Variants in CLDN16 observed in about 807,000 individuals in gnomAD.
CLDN16 encodes the protein claudin-16.
A neutral mutation model predicts 24.6 loss-of-function variants in CLDN16; 13 were observed. The observed-to-expected ratio is 0.53, with a 90% CI of 0.34 to 0.84. The LOEUF (loss-of-function observed/expected upper bound fraction) is 0.84. CLDN16 is among the 40% of genes least tolerant of loss of function. The probability of loss-of-function intolerance (pLI) is 0.01; values close to 1 mark genes in which losing one functional copy is unlikely to be tolerated. For synonymous variants in CLDN16, 116 were observed against 106.7 expected (o/e 1.09, Z -0.54); for missense variants, 298 against 292.7 (o/e 1.02, Z -0.13).
At chr3:190,330,878 T>C (rs1165494829) in intron 1 of CLDN16, among the ~76,000 whole-genome samples, 1 of 152,112 alleles carries the variant, frequency 6.6e-6, no homozygotes, top group Admixed American at 6.5e-5. Flanking sequence ...AAAACTAAAG[T>C]CTTAAAATAA....
At chr3:190,348,540 G>A (rs1027558403) in intron 1 of CLDN16, among the ~76,000 whole-genome samples, 2 of 152,048 alleles carry the variant, frequency 1.3e-5, no homozygotes, top group Non-Finnish European at 2.9e-5. Flanking sequence ...GGATAAATGT[G>A]GTCAGACCAG....
chr3:190,406,983 G>A (rs1465657324), intron 3 of CLDN16, among the ~76,000 whole-genome samples: 3 of 151,880 alleles, frequency 2.0e-5, no homozygotes, highest in Admixed American at 6.6e-5. Flanking sequence ...CTCGTGATCC[G>A]CCCGCCTCGG....
chr3:190,329,166 A>G (rs1717131521), intron 1 of CLDN16, among the ~76,000 whole-genome samples: 1 of 152,196 alleles, frequency 6.6e-6, no homozygotes, highest in Non-Finnish European at 1.5e-5. Flanking sequence ...TAATTTAATG[A>G]ACAAGCTGAA....
At chr3:190,356,393 A>G (rs1223571950) in intron 1 of CLDN16, among the ~76,000 whole-genome samples, 1 of 151,906 alleles carries the variant, frequency 6.6e-6, no homozygotes, top group Non-Finnish European at 1.5e-5. Context: ...TGTTATATAC[A>G]CAAAGCATAC....
intron 1 of CLDN16, among the ~76,000 whole-genome samples, chr3:190,359,309 T>A (rs773009812): frequency 3.4e-4 from 51 of 152,064 alleles, no homozygotes; most frequent in Non-Finnish European, 6.6e-4. Flanking sequence ...ACACCTTGCA[T>A]GAAGGACTTC....
rs879844838 is a variant in CLDN16 at position 190,338,471 on chromosome 3, G to A, written n.121+15810G>A. Among the ~76,000 whole-genome samples the A allele has an allele frequency of 1.3e-3, 202 of 152,226 alleles. 1 individual carries two copies. Among genetic ancestry groups the A allele is most frequent in the Non-Finnish European group, 1.9e-3 (130 of 68,016 alleles). On this transcript the variant is annotated intron_variant and non_coding_transcript_variant, in intron 1 of 4. Coordinates refer to the CLDN16 transcript ENST00000468220. ...TACGTGAACTGCAGGTTATCTCTTG[G>A]TACCCTCATGCCCAAGTTTAATTAT...
At chr3:190,384,088 A>G (rs1354085068), upstream of CLDN16, among the ~76,000 whole-genome samples, 1 of 152,148 alleles carries the variant, frequency 6.6e-6, no homozygotes, top group Admixed American at 6.6e-5. Flanking sequence ...CAGCCTGACT[A>G]TGAGGTCCAA....
At chr3:190,331,762 A>G (rs1197714592) in intron 1 of CLDN16, among the ~76,000 whole-genome samples, 1 of 152,218 alleles carries the variant, frequency 6.6e-6, no homozygotes, top group African/African-American at 2.4e-5. Context: ...CCACAAATTT[A>G]GTGGCTTAAA....
At chr3:190,317,760 T>C (rs535086643), upstream of CLDN16, among the ~76,000 whole-genome samples, 7 of 152,316 alleles carry the variant, frequency 4.6e-5, no homozygotes, top group Non-Finnish European at 7.3e-5. Context: ...ATACAGAAAG[T>C]CAACCCTCCC....
intron 1 of CLDN16, among the ~76,000 whole-genome samples, chr3:190,399,742 C>CTAT (rs1259886733): frequency 4.6e-5 from 7 of 152,108 alleles, no homozygotes; most frequent in Non-Finnish European, 5.9e-5. Context: ...TCCTAGAGTG[C>CTAT]TATAGAACAG....
chr3:190,292,939 G>T, the CLDN16 span, among the ~76,000 whole-genome samples: 3 of 152,102 alleles, frequency 2.0e-5, no homozygotes, highest in Non-Finnish European at 4.4e-5. Context: ...CCTCCAAACT[G>T]TTCCAACCTC....
At chr3:190,321,949 T>C, upstream of CLDN16, 1 of 1,579,254 alleles carries the variant, frequency 6.3e-7, no homozygotes, top group Non-Finnish European at 8.7e-7. Context: ...GACTGGGGCC[T>C]CTGGACGGCC....
intron 1 of CLDN16, among the ~76,000 whole-genome samples, chr3:190,356,863 A>C (rs1425103): frequency 6.6e-6 from 1 of 151,672 alleles, no homozygotes; most frequent in African/African-American, 2.4e-5. Flanking sequence ...TCAATTATTA[A>C]AAGTTATGTA....
At chr3:190,398,956 A>G (rs554894922) in intron 1 of CLDN16, among the ~76,000 whole-genome samples, 4 of 152,332 alleles carry the variant, frequency 2.6e-5, no homozygotes, top group Non-Finnish European at 5.9e-5. Context: ...TTAGAAATTT[A>G]TATGTTGAAT....
At chr3:190,359,120 T>A (rs1182268224) in intron 1 of CLDN16, among the ~76,000 whole-genome samples, 1 of 152,058 alleles carries the variant, frequency 6.6e-6, no homozygotes, top group African/African-American at 2.4e-5. Context: ...TTTCTGTATA[T>A]AAATTAATGA....
intron 1 of CLDN16, among the ~76,000 whole-genome samples, chr3:190,355,877 G>T (rs951918031): frequency 1.3e-5 from 2 of 151,038 alleles, no homozygotes; most frequent in African/African-American, 2.4e-5. Context: ...ATTTCTGTGG[G>T]GTTTTTTGTT....
intron 1 of CLDN16, among the ~76,000 whole-genome samples, chr3:190,341,075 C>T (rs1026547307): frequency 9.9e-5 from 15 of 152,158 alleles, no homozygotes; most frequent in African/African-American, 3.4e-4. Context: ...CATGGGCTGG[C>T]ATGACATTGA....
At chr3:190,305,324 G>A in the CLDN16 span, among the ~76,000 whole-genome samples, 3 of 152,310 alleles carry the variant, frequency 2.0e-5, no homozygotes, top group East Asian at 3.9e-4. Flanking sequence ...CATCATTACA[G>A]AAACAATAAT....
intron 1 of CLDN16, among the ~76,000 whole-genome samples, chr3:190,369,687 A>G (rs1239497053): frequency 6.6e-6 from 1 of 151,980 alleles, no homozygotes; most frequent in Non-Finnish European, 1.5e-5. Flanking sequence ...ACAAACATAA[A>G]TATGTTTATT....
Sources: allele counts gnomAD v4.1 joint callset (sites outside exome capture counted in the v4.1 genomes callset), GRCh38; gene constraint gnomAD v4.1.1; transcripts MANE v1.5; gene names NCBI Gene and HGNC (gene_info 2026-07-23, HGNC 2026-07-21).